The following MDGA2 variants were observed in gnomAD, a reference collection of about 807,000 sequenced individuals.
MDGA2 encodes the protein MAM domain containing glycosylphosphatidylinositol anchor 2.
A neutral mutation model predicts 117.8 loss-of-function variants in MDGA2; 40 were observed. The observed-to-expected ratio is 0.34, with a 90% CI of 0.26 to 0.44. The LOEUF is 0.44. Ranked by LOEUF, MDGA2 falls within the 20% of genes least tolerant of loss-of-function variation. The pLI, the probability that MDGA2 is intolerant of heterozygous loss-of-function variation, is 1.00. For missense variants in MDGA2, 1,123 were observed against 1,250.6 expected (o/e 0.90, Z 1.54); for synonymous variants, 452 against 439.0 (o/e 1.03, Z -0.37).
At chr14:46,988,458 A>G (rs1018767014) in intron 8 of MDGA2, among the ~76,000 whole-genome samples, 2 of 152,040 alleles carry the variant, frequency 1.3e-5, no homozygotes, top group African/African-American at 4.8e-5. Context: ...AGATTCTGAC[A>G]TGTTTGCTGA....
intron 10 of MDGA2, among the ~76,000 whole-genome samples, chr14:46,906,343 T>A (rs1883490970): frequency 6.6e-6 from 1 of 152,040 alleles, no homozygotes; most frequent in Non-Finnish European, 1.5e-5. Context: ...ACTAAATTCA[T>A]AGTCCTAAAA....
chr14:47,048,865 A>G (rs1225689922), intron 7 of MDGA2, among the ~76,000 whole-genome samples: 1 of 152,136 alleles, frequency 6.6e-6, no homozygotes, highest in Non-Finnish European at 1.5e-5. Flanking sequence ...ATTGCATTCT[A>G]CAAACCATTC....
intron 1 of MDGA2, among the ~76,000 whole-genome samples, chr14:47,495,486 T>C (rs1354149073): frequency 6.6e-6 from 1 of 152,306 alleles, no homozygotes; most frequent in East Asian, 1.9e-4. Flanking sequence ...ACTTTATTTA[T>C]AATTCCCCCA....
intron 1 of MDGA2, among the ~76,000 whole-genome samples, chr14:47,621,355 A>G (rs1322489828): frequency 6.6e-6 from 1 of 151,784 alleles, no homozygotes; most frequent in Non-Finnish European, 1.5e-5. Context: ...CTGTTTCTTA[A>G]AAAAAAATTT....
intron 1 of MDGA2, among the ~76,000 whole-genome samples, chr14:47,315,179 T>G (rs1362747034): frequency 3.9e-5 from 6 of 152,182 alleles, no homozygotes; most frequent in African/African-American, 1.4e-4. Context: ...ATACTTTTTC[T>G]ACTTCTACTT....
At chr14:47,187,907 T>C (rs932684811) in intron 3 of MDGA2, among the ~76,000 whole-genome samples, 13 of 151,462 alleles carry the variant, frequency 8.6e-5, no homozygotes, top group African/African-American at 2.9e-4. Context: ...TGTTTTATTA[T>C]TAAAGTAGGT....
intron 2 of MDGA2, among the ~76,000 whole-genome samples, chr14:47,286,774 C>A (rs1490512218): frequency 1.5e-5 from 2 of 129,192 alleles, no homozygotes; most frequent in African/African-American, 6.3e-5. Flanking sequence ...GAACAACAGC[C>A]ACAAACCAGG....
Position 47,675,476 on chromosome 14 carries a change from G to T in MDGA2, c.-680C>A, listed in dbSNP as rs541739904. Reference sequence around the variant, plus strand: ...GAGCTCGCTTGGGCACACCAGCCCAGCCGCCACCGCCACCGCTCTCCAAAA... The same window carrying T: ...GAGCTCGCTTGGGCACACCAGCCCATCCGCCACCGCCACCGCTCTCCAAAA... On this transcript the variant is annotated 5_prime_UTR_variant, in exon 1 of 17. In the 5' UTR this introduces an upstream ATG that the reference lacks. Coordinates refer to ENST00000399232, the MANE Select transcript of MDGA2 (RefSeq NM_001113498.3). Among the ~76,000 whole-genome samples the T allele has an allele frequency of 1.1e-4, 16 of 152,188 alleles. No individual in the cohort carries two copies. Among genetic ancestry groups the T allele is most frequent in the South Asian group, 6.2e-4 (3 of 4,832 alleles).
At chr14:47,049,711 CTG>C (rs908752727) in intron 7 of MDGA2, among the ~76,000 whole-genome samples, 6 of 151,984 alleles carry the variant, frequency 3.9e-5, no homozygotes, top group Non-Finnish European at 8.8e-5. Context: ...AGAGGGCTGA[CTG>C]TATTTCCTTT....
chr14:47,284,163 C>T (rs1394061687), intron 2 of MDGA2, among the ~76,000 whole-genome samples: 2 of 152,110 alleles, frequency 1.3e-5, no homozygotes, highest in Admixed American at 6.5e-5. Flanking sequence ...TAAGAAGAAG[C>T]ACCCATCCCA....
chr14:47,310,350 G>A (rs2899999), intron 1 of MDGA2, among the ~76,000 whole-genome samples: 13,555 of 152,108 alleles, frequency 0.089, 735 homozygotes, highest in Non-Finnish European at 0.11. Context: ...AGGCAGTCAC[G>A]CATAGCCATC....
At chr14:47,474,683 A>G (rs1893799389) in intron 1 of MDGA2, among the ~76,000 whole-genome samples, 2 of 152,114 alleles carry the variant, frequency 1.3e-5, no homozygotes, top group Non-Finnish European at 2.9e-5. Flanking sequence ...ATAAGACCAC[A>G]TACCTACAAC....
intron 1 of MDGA2, among the ~76,000 whole-genome samples, chr14:47,577,071 A>C (rs1487709180): frequency 6.6e-6 from 1 of 152,146 alleles, no homozygotes; most frequent in African/African-American, 2.4e-5. Flanking sequence ...TTAAAGAAAG[A>C]TGGTAAAGTT....
chr14:47,358,418 A>G (rs1034948427), intron 1 of MDGA2, among the ~76,000 whole-genome samples: 2 of 152,116 alleles, frequency 1.3e-5, no homozygotes, highest in African/African-American at 4.8e-5. Flanking sequence ...AAGCAATCAA[A>G]CCCACCCGTT....
intron 7 of MDGA2, among the ~76,000 whole-genome samples, chr14:47,047,856 G>T (rs764799857): frequency 1.3e-5 from 2 of 151,680 alleles, no homozygotes; most frequent in Non-Finnish European, 2.9e-5. Context: ...TTTTATTGCT[G>T]TTGTCTGTTG....
intron 1 of MDGA2, among the ~76,000 whole-genome samples, chr14:47,394,480 A>G (rs930105800): frequency 6.6e-6 from 1 of 152,216 alleles, no homozygotes; most frequent in African/African-American, 2.4e-5. Context: ...AGAGTATCAT[A>G]TAGGCGTGGC....
At chr14:47,609,030 A>T (rs1896790745) in intron 1 of MDGA2, among the ~76,000 whole-genome samples, 1 of 152,004 alleles carries the variant, frequency 6.6e-6, no homozygotes, top group African/African-American at 2.4e-5. Context: ...AGTGAGGGAA[A>T]ATCAGGCATT....
rs1274440415 is a variant in MDGA2 at position 46,954,236 on chromosome 14, G to T, written c.2089+3138C>A. Among the ~76,000 whole-genome samples the T allele has an allele frequency of 2.6e-5, 4 of 151,840 alleles. No homozygotes were observed. The East Asian group carries it at 7.8e-4, about 29-fold the overall frequency. On this transcript the variant is annotated intron_variant, in intron 9 of 16. Coordinates refer to ENST00000399232, the MANE Select transcript of MDGA2 (RefSeq NM_001113498.3). Reference sequence around the variant, plus strand: ...AACTTTGCTGAGTTGTAAGACACGTGCACCCATGTCTCCAGGGTCTAGCTT... The same window carrying T: ...AACTTTGCTGAGTTGTAAGACACGTTCACCCATGTCTCCAGGGTCTAGCTT...
intron 1 of MDGA2, among the ~76,000 whole-genome samples, chr14:47,352,553 C>A (rs1890907261): frequency 6.6e-6 from 1 of 152,198 alleles, no homozygotes; most frequent in African/African-American, 2.4e-5. Context: ...CACATGGACG[C>A]AACTGACAGT....
Sources: allele counts gnomAD v4.1 joint callset (sites outside exome capture counted in the v4.1 genomes callset), GRCh38; gene constraint gnomAD v4.1.1; transcripts MANE v1.5; gene names NCBI Gene and HGNC (gene_info 2026-07-23, HGNC 2026-07-21).